The following HDLBP variants were observed in gnomAD, a reference collection of about 807,000 sequenced individuals.
HDLBP encodes the protein high density lipoprotein binding protein.
In HDLBP, 30 loss-of-function variants were observed where a neutral mutation model predicts 137.3. The observed-to-expected ratio is 0.22, with a 90% CI of 0.16 to 0.30. HDLBP has a LOEUF of 0.30. Among genes scored for constraint, HDLBP ranks in the 10% least tolerant of loss-of-function variants. HDLBP has a pLI of 1.00. For synonymous variants in HDLBP, 606 were observed against 596.0 expected, an observed-to-expected ratio of 1.02 and a Z score of -0.24; for missense variants, 1,119 against 1,667.3, an observed-to-expected ratio of 0.67 and a Z score of 5.73.
rs1574826417 is a variant in HDLBP, at chr2:241,230,621, G to T, written c.3474+138C>A. 33 of 746,944 alleles carry T rather than the reference G, an allele frequency of 4.4e-5. 1 individual carries two copies. The South Asian group carries it at 5.8e-4, about 13-fold the overall frequency. The allele number at this position is 746,944 out of a possible 1,614,324, so 46.3% of individuals were successfully genotyped here. On this transcript the variant is annotated intron_variant, in intron 25 of 27. Transcript: ENST00000310931. This position sits in a 1 kb window ranked among gnomAD's most constrained non-coding sequence, Gnocchi z 5.0. ...GCCTGCACTGACCCGTGGTGTCCAT[G>T]AGGACAGTTCCACTGCCAGCCCTGG... is the stretch of plus-strand genomic sequence containing the variant.
rs775384709 is a variant in HDLBP at position 241,242,617 on chromosome 2, G to T, written c.2012C>A (p.Thr671Asn). 2 of 1,614,198 alleles carry T rather than the reference G, an allele frequency of 1.2e-6. No homozygotes were observed. The highest frequency in any genetic ancestry group is 2.2e-5 in the South Asian group (2 of 91,078). The change falls in exon 17 of 28, where the codon ACC becomes AAC. Residue 671 changes from threonine to asparagine, a missense_variant. Around this residue, in one of 4 missense-constraint regions of HDLBP, gnomAD observed 618 missense variants for 816.7 expected, o/e 0.76. Coordinates refer to ENST00000310931, the MANE Select transcript of HDLBP (RefSeq NM_005336.6). Reference sequence around the variant, plus strand: ...GATGGAGCGGATCAGACGGCCCTTGGTGCCAATGAGGGAGTTGTGCAGCTT... The same window carrying T: ...GATGGAGCGGATCAGACGGCCCTTGTTGCCAATGAGGGAGTTGTGCAGCTT... ...PAKLHNSLIGTKGRLIRSIME... is the reference protein window; with the variant it reads ...PAKLHNSLIGNKGRLIRSIME...
chr2:241,275,018 G>A (rs1300992833), intron 1 of HDLBP, among the ~76,000 whole-genome samples: 1 of 152,146 alleles, frequency 6.6e-6, no homozygotes, highest in Admixed American at 6.5e-5. Context: ...AAGCCCACTA[G>A]TGTAGAGGGG....
chr2:241,236,488 G>C (rs1260153742), intron 21 of HDLBP, 127 bp downstream of exon 21: 1 of 930,848 alleles, frequency 1.1e-6, no homozygotes, highest in Admixed American at 2.0e-5. Context: ...CACGGTAGGA[G>C]CAAGAGGGCT....
At chr2:241,242,273 G>A (rs1652775114) in intron 17 of HDLBP, among the ~76,000 whole-genome samples, 187 bp downstream of exon 17, 1 of 151,964 alleles carries the variant, frequency 6.6e-6, no homozygotes, top group Non-Finnish European at 1.5e-5. Context: ...TTGCATATGT[G>A]AGCGTTTGGA....
chr2:241,240,295 G>T lies in HDLBP; in HGVS notation c.2170-173C>A, dbSNP rs570713675. 1 of 653,926 alleles carries T rather than the reference G, an allele frequency of 1.5e-6. No individual in the cohort carries two copies. Among genetic ancestry groups the T allele is most frequent in the Admixed American group, 2.2e-5 (1 of 44,904 alleles). 40.5% of individuals were successfully genotyped at this position (653,926 alleles called of 1,614,324 possible). Reference sequence around the variant, plus strand: ...GCTAGCACACCTCACTGAATAAACAGATGAATACCCAGACTGCACACCTAC... The same window carrying T: ...GCTAGCACACCTCACTGAATAAACATATGAATACCCAGACTGCACACCTAC... On this transcript the variant is annotated intron_variant, in intron 17 of 27. Coordinates refer to ENST00000310931, the MANE Select transcript of HDLBP (RefSeq NM_005336.6). The surrounding 1 kb of genome is among the most constrained non-coding windows in gnomAD (Gnocchi z 5.5).
chr2:241,236,801 A>C (rs773570273), intron 20 of HDLBP, 32 bp from the exon 21 acceptor site: 1 of 1,608,144 alleles, frequency 6.2e-7, no homozygotes, highest in South Asian at 1.1e-5. Flanking sequence ...GACAGCTGAC[A>C]GCTGCTGGAA....
In HDLBP at chr2:241,272,693, CGCCCGGCA is replaced by C; in HGVS notation, c.-102-4160_-102-4153del. ...CGTCAGCAGCCACCCCCCACCCCCC[CGCCCGGCA>C]GCCCGCCCGCCCCGTCCGCCCGCCC... On this transcript the variant is annotated intron_variant, in intron 1 of 27. Transcript: ENST00000310931. This position sits in a 1 kb window ranked among gnomAD's most constrained non-coding sequence, Gnocchi z 5.6. 1 of 746,306 alleles carries C rather than the reference CGCCCGGCA, an allele frequency of 1.3e-6. No homozygotes were observed. The highest frequency in any genetic ancestry group is 1.6e-6 in the Non-Finnish European group (1 of 616,352). 46.2% of individuals were successfully genotyped at this position (746,306 alleles called of 1,614,324 possible). A position where few individuals can be genotyped will look rare whatever the true frequency, so the allele number is the denominator to read the frequency against.
rs2070883573 is a variant in HDLBP, at chr2:241,238,864, C to T, written c.2611-77G>A. Reference sequence around the variant, plus strand: ...AGGGCAAGTTTTACAGCACTCTTCACACCACCTTCCTCCCTGTCCTCTACA... The same window carrying T: ...AGGGCAAGTTTTACAGCACTCTTCATACCACCTTCCTCCCTGTCCTCTACA... On this transcript the variant is annotated intron_variant, in intron 19 of 27. Transcript: ENST00000310931. This position sits in a 1 kb window ranked among gnomAD's most constrained non-coding sequence, Gnocchi z 4.9. 1.6e-6 allele frequency: 2 copies of T among 1,215,426 alleles called. No individual in the cohort carries two copies. Among genetic ancestry groups the T allele is most frequent in the Non-Finnish European group, 2.3e-6 (2 of 884,146 alleles). 75.3% of individuals were successfully genotyped at this position (1,215,426 alleles called of 1,614,324 possible). A position where few individuals can be genotyped will look rare whatever the true frequency, so the allele number is the denominator to read the frequency against.
rs1366777155 is a variant in HDLBP, at chr2:241,272,221, C to T, written c.-102-3680G>A. On this transcript the variant is annotated intron_variant, in intron 1 of 27. Transcript: ENST00000310931. This position sits in a 1 kb window ranked among gnomAD's most constrained non-coding sequence, Gnocchi z 5.6. ...GAGGTGCTGCGGGGGCCCCGCCGCCCGGTCTGCGCCCAGACCCCCGCCCCG... is the reference window on the plus strand; with the variant it reads ...GAGGTGCTGCGGGGGCCCCGCCGCCTGGTCTGCGCCCAGACCCCCGCCCCG... 4.1e-6 allele frequency: 4 copies of T among 980,130 alleles called. No homozygotes were observed. The highest frequency in any genetic ancestry group is 1.1e-4 in the East Asian group (1 of 8,780). 60.7% of individuals were successfully genotyped at this position (980,130 alleles called of 1,614,324 possible).
intron 2 of HDLBP, chr2:241,267,680 C>T (rs758688174): frequency 9.1e-6 from 14 of 1,535,490 alleles, no homozygotes; most frequent in Admixed American, 2.0e-5. Flanking sequence ...CTCCAAATCT[C>T]GACTTAACCA....
intron 16 of HDLBP, 139 bp downstream of exon 16, chr2:241,246,613 T>G (rs1282473242): frequency 2.5e-6 from 2 of 815,322 alleles, no homozygotes; most frequent in Non-Finnish European, 2.0e-6. Context: ...AACTCATCAG[T>G]AGCCTGGATT....
chr2:241,237,144 C>T (rs1034125217), intron 20 of HDLBP, among the ~76,000 whole-genome samples: 12 of 152,194 alleles, frequency 7.9e-5, no homozygotes, highest in African/African-American at 2.9e-4. Context: ...ACCCACTGCA[C>T]AAGTGAGGCT....
At chr2:241,297,616 T>C (rs1004871055) in intron 1 of HDLBP, among the ~76,000 whole-genome samples, 1 of 152,128 alleles carries the variant, frequency 6.6e-6, no homozygotes, top group African/African-American at 2.4e-5. Context: ...CTAGACCCTG[T>C]TTCTCTGAGA....
intron 1 of HDLBP, among the ~76,000 whole-genome samples, chr2:241,282,811 T>C (rs1206120933): frequency 6.6e-6 from 1 of 152,106 alleles, no homozygotes; most frequent in Non-Finnish European, 1.5e-5. Flanking sequence ...CCCATCTCTC[T>C]CCCTCTCCTC....
chr2:241,277,273 C>A (rs1456606357), intron 1 of HDLBP, among the ~76,000 whole-genome samples: 3 of 151,988 alleles, frequency 2.0e-5, no homozygotes, highest in Non-Finnish European at 4.4e-5. Flanking sequence ...AGCTAATCAT[C>A]CACTACTGAA....
intron 3 of HDLBP, among the ~76,000 whole-genome samples, chr2:241,266,091 G>A (rs1310611054): frequency 3.9e-5 from 6 of 152,284 alleles, no homozygotes; most frequent in African/African-American, 1.4e-4. Context: ...TTCAAATGAA[G>A]ATTTTATAAC....
At chr2:241,234,090 G>T in intron 23 of HDLBP, 127 bp from the exon 24 acceptor site, 1 of 1,075,456 alleles carries the variant, frequency 9.3e-7, no homozygotes, top group Non-Finnish European at 1.4e-6. Context: ...GGTCCGGAAT[G>T]GTCCGCCATC....
intron 16 of HDLBP, 21 bp downstream of exon 16, chr2:241,246,731 T>C: frequency 6.2e-7 from 1 of 1,609,982 alleles, no homozygotes; most frequent in Non-Finnish European, 8.5e-7. Context: ...AGGATCTCCA[T>C]TAGAAAACAT....
intron 1 of HDLBP, among the ~76,000 whole-genome samples, chr2:241,311,276 C>T (rs1315686554): frequency 1.3e-5 from 2 of 152,134 alleles, no homozygotes; most frequent in South Asian, 2.1e-4. Context: ...ACTTAGAGAC[C>T]GCGGAGCAAA....
Sources: allele counts gnomAD v4.1 joint callset (sites outside exome capture counted in the v4.1 genomes callset), GRCh38; gene constraint gnomAD v4.1.1; regional missense constraint gnomAD v4.1.1; non-coding constraint Gnocchi (gnomAD v3.1); transcripts MANE v1.5; gene names NCBI Gene and HGNC (gene_info 2026-07-23, HGNC 2026-07-21).